SLC10A7: variants seen among roughly 807,000 people sequenced by gnomAD.
SLC10A7 encodes the protein solute carrier family 10 member 7, also known as sodium/bile acid cotransporter 7.
Under a neutral mutation model 43.2 loss-of-function variants are expected in SLC10A7, and 29 were observed. The ratio of observed to expected loss-of-function variants is 0.67; its 90% CI spans 0.50 to 0.92. SLC10A7 has a LOEUF of 0.92. Among genes scored for constraint, SLC10A7 ranks in the 40% least tolerant of loss-of-function variants. The probability of loss-of-function intolerance (pLI) is 0.00; values close to 1 mark genes in which losing one functional copy is unlikely to be tolerated. For missense variants in SLC10A7, 295 were observed against 403.2 expected (o/e 0.73, Z 2.30); for synonymous variants, 152 against 144.8 (o/e 1.05, Z -0.35).
intron 6 of SLC10A7, among the ~76,000 whole-genome samples, chr4:146,308,390 T>C (rs1038243134): frequency 2.0e-5 from 3 of 152,122 alleles, no homozygotes; most frequent in Admixed American, 2.0e-4. Flanking sequence ...TCTGATGCTA[T>C]GAAGTATGCC....
chr4:146,519,962 T>C (rs1176054084), intron 1 of SLC10A7, among the ~76,000 whole-genome samples: 1 of 152,182 alleles, frequency 6.6e-6, no homozygotes, highest in African/African-American at 2.4e-5. Flanking sequence ...AAAATATTAA[T>C]AAGCAGAGTC....
At chr4:146,319,894 C>T (rs954148182) in intron 6 of SLC10A7, among the ~76,000 whole-genome samples, 7 of 151,936 alleles carry the variant, frequency 4.6e-5, no homozygotes, top group African/African-American at 1.7e-4. Context: ...ACTCAAAAAA[C>T]TTCCTTTAGA....
At chr4:146,456,683 C>T (rs1732089162) in intron 4 of SLC10A7, among the ~76,000 whole-genome samples, 1 of 151,864 alleles carries the variant, frequency 6.6e-6, no homozygotes, top group Admixed American at 6.6e-5. Context: ...GCTCACAAAC[C>T]AAGAGGCAAC....
At chr4:146,394,489 A>G (rs1738669206) in intron 5 of SLC10A7, among the ~76,000 whole-genome samples, 1 of 152,046 alleles carries the variant, frequency 6.6e-6, no homozygotes, top group Non-Finnish European at 1.5e-5. Flanking sequence ...CCTCCTGAGG[A>G]GCTGGGACTA....
At chr4:146,277,058 T>A (rs1339366756) in intron 10 of SLC10A7, among the ~76,000 whole-genome samples, 2 of 152,182 alleles carry the variant, frequency 1.3e-5, no homozygotes, top group Non-Finnish European at 2.9e-5. Context: ...TAAAGCAATC[T>A]TTTTTAGACC....
intron 7 of SLC10A7, among the ~76,000 whole-genome samples, chr4:146,297,540 A>G (rs1730868888): frequency 6.6e-6 from 1 of 152,148 alleles, no homozygotes; most frequent in African/African-American, 2.4e-5. Flanking sequence ...TCTTTACCCT[A>G]TTCATAAATT....
At chr4:146,258,469 T>C (rs533175297) in intron 11 of SLC10A7, among the ~76,000 whole-genome samples, 6 of 152,362 alleles carry the variant, frequency 3.9e-5, no homozygotes, top group Admixed American at 3.9e-4. Context: ...AAAAACTGCA[T>C]GTTAAGTATA....
intron 7 of SLC10A7, among the ~76,000 whole-genome samples, chr4:146,297,291 C>A (rs1730849328): frequency 6.6e-6 from 1 of 151,992 alleles, no homozygotes; most frequent in African/African-American, 2.4e-5. Context: ...CTTTGATTTT[C>A]TTTATTCTAA....
At chr4:146,314,519 C>T (rs1732192194) in intron 6 of SLC10A7, among the ~76,000 whole-genome samples, 1 of 152,102 alleles carries the variant, frequency 6.6e-6, no homozygotes, top group South Asian at 2.1e-4. Flanking sequence ...CATATAAAAC[C>T]AGTTGATAGA....
At chr4:146,350,655 G>T (rs1345473532) in intron 5 of SLC10A7, among the ~76,000 whole-genome samples, 43 of 113,986 alleles carry the variant, frequency 3.8e-4, no homozygotes, top group Non-Finnish European at 5.1e-4. Flanking sequence ...GAAGAGAGCA[G>T]TGGTTCTCCC....
intron 6 of SLC10A7, among the ~76,000 whole-genome samples, chr4:146,321,208 T>C (rs1732683554): frequency 6.6e-6 from 1 of 152,026 alleles, no homozygotes; most frequent in Non-Finnish European, 1.5e-5. Flanking sequence ...AAGCTCTAAA[T>C]CCGAAATCAA....
At chr4:146,446,945 T>G (rs1560916464) in intron 4 of SLC10A7, among the ~76,000 whole-genome samples, 1 of 152,160 alleles carries the variant, frequency 6.6e-6, no homozygotes, top group Non-Finnish European at 1.5e-5. Flanking sequence ...CATCTCCTAC[T>G]GAGTTATTTT....
intron 10 of SLC10A7, among the ~76,000 whole-genome samples, chr4:146,259,224 C>G (rs1181951856): frequency 1.3e-5 from 2 of 152,108 alleles, no homozygotes; most frequent in Non-Finnish European, 2.9e-5. Flanking sequence ...GTCTGTTGGT[C>G]TTTAGGGAGG....
At chr4:146,370,160 T>G (rs1334352787) in intron 5 of SLC10A7, among the ~76,000 whole-genome samples, 1 of 152,206 alleles carries the variant, frequency 6.6e-6, no homozygotes, top group East Asian at 1.9e-4. Flanking sequence ...AACACAATTT[T>G]GCCACTGTAG....
intron 5 of SLC10A7, among the ~76,000 whole-genome samples, chr4:146,333,024 A>G (rs1373838764): frequency 2.0e-5 from 3 of 152,200 alleles, no homozygotes; most frequent in African/African-American, 7.2e-5. Flanking sequence ...AGTACCATGT[A>G]TCCTATATTA....
intron 4 of SLC10A7, among the ~76,000 whole-genome samples, chr4:146,445,696 T>C (rs1730991779): frequency 6.6e-6 from 1 of 152,038 alleles, no homozygotes; most frequent in Non-Finnish European, 1.5e-5. Flanking sequence ...AAAGGGTAGT[T>C]AATGTGGAGG....
intron 4 of SLC10A7, among the ~76,000 whole-genome samples, chr4:146,496,097 G>C (rs2150015430): frequency 6.6e-6 from 1 of 152,268 alleles, no homozygotes; most frequent in East Asian, 1.9e-4. Context: ...GACCTCACTT[G>C]TGGTACATTT....
intron 8 of SLC10A7, among the ~76,000 whole-genome samples, chr4:146,293,686 G>C (rs529538207): frequency 6.6e-6 from 1 of 152,196 alleles, no homozygotes; most frequent in Non-Finnish European, 1.5e-5. Flanking sequence ...TCTCTCACCT[G>C]ACATCAACTA....
intron 10 of SLC10A7, among the ~76,000 whole-genome samples, chr4:146,276,792 A>C (rs1729232733): frequency 6.6e-6 from 1 of 152,072 alleles, no homozygotes; most frequent in Non-Finnish European, 1.5e-5. Flanking sequence ...CTCTACAAAA[A>C]AATTTTTAAA....
Sources: gnomAD v4.1 joint callset for allele counts (sites outside exome capture counted in the v4.1 genomes callset) on GRCh38, gnomAD v4.1.1 for gene constraint, MANE v1.5 for transcripts, NCBI Gene and HGNC (gene_info 2026-07-23, HGNC 2026-07-21) for gene names.